Variants in SND1 observed in about 807,000 individuals in gnomAD.
The protein encoded by SND1 is staphylococcal nuclease and tudor domain containing 1, also known as staphylococcal nuclease domain-containing protein 1.
In SND1, 38 loss-of-function variants were observed where a neutral mutation model predicts 121.7. The observed-to-expected ratio is 0.31, with a 90% CI of 0.24 to 0.41. SND1 has a LOEUF of 0.41. Among genes scored for constraint, SND1 ranks in the 10% least tolerant of loss-of-function variants. The pLI is 1.00. For synonymous variants in SND1, 401 were observed against 447.4 expected, an observed-to-expected ratio of 0.90 and a Z score of 1.31; for missense variants, 868 against 1,184.6, an observed-to-expected ratio of 0.73 and a Z score of 3.92.
intron 1 of SND1, among the ~76,000 whole-genome samples, chr7:127,682,718 T>C (rs1795749172): frequency 6.6e-6 from 1 of 152,232 alleles, no homozygotes; most frequent in South Asian, 2.1e-4. Flanking sequence ...TATACTTACA[T>C]GTGATGTTTA....
intron 1 of SND1, among the ~76,000 whole-genome samples, chr7:127,661,900 G>A (rs1795318340): frequency 6.6e-6 from 1 of 152,128 alleles, no homozygotes; most frequent in Non-Finnish European, 1.5e-5. Flanking sequence ...TAGATCACTT[G>A]AGGTTAGGAG....
chr7:127,892,937 G>A (rs1800037374), intron 13 of SND1, among the ~76,000 whole-genome samples: 1 of 151,962 alleles, frequency 6.6e-6, no homozygotes, highest in South Asian at 2.1e-4. Flanking sequence ...GTTCCTGTTT[G>A]ATTCCCATAT....
At position 127,652,205 on chromosome 7, in the gene SND1, C is replaced by G. The variant is rs78110398; in HGVS notation, c.-169C>G. ...GGCGGAGATCGCGTCTCTTTCGCTC[C>G]GTGTCCCGCTGCTGCTCCTGTGAGC... On this transcript the variant is annotated 5_prime_UTR_variant, in exon 1 of 24. Transcript: ENST00000354725. The G allele has an allele frequency of 6.0e-6, 4 of 671,742 alleles. No individual in the cohort carries two copies. Among genetic ancestry groups the G allele is most frequent in the Non-Finnish European group, 1.1e-5 (4 of 367,668 alleles). 41.6% of individuals were successfully genotyped at this position (671,742 alleles called of 1,614,324 possible).
intron 11 of SND1, among the ~76,000 whole-genome samples, chr7:127,831,297 G>A (rs1288898547): frequency 6.6e-6 from 1 of 152,172 alleles, no homozygotes; most frequent in African/African-American, 2.4e-5. Flanking sequence ...TGGTCAGTAG[G>A]CAAAGCATTA....
chr7:127,721,932 T>C (rs1193984786), intron 10 of SND1, among the ~76,000 whole-genome samples: 1 of 152,182 alleles, frequency 6.6e-6, no homozygotes, highest in African/African-American at 2.4e-5. Flanking sequence ...TTTTGGCAGA[T>C]AGGTTGGTGT....
intron 16 of SND1, among the ~76,000 whole-genome samples, chr7:128,006,236 G>C (rs3808062): frequency 0.062 from 9,444 of 152,118 alleles, 401 homozygotes; most frequent in Middle Eastern, 0.19. Flanking sequence ...GGGTGCGTGC[G>C]TGCGTGCGTG....
chr7:127,787,175 A>G (rs1238642268), intron 10 of SND1, among the ~76,000 whole-genome samples: 3 of 152,002 alleles, frequency 2.0e-5, no homozygotes, highest in Non-Finnish European at 4.4e-5. Flanking sequence ...GCTCATTGGC[A>G]CACCTTTTCT....
intron 11 of SND1, among the ~76,000 whole-genome samples, chr7:127,840,825 C>T (rs558083596): frequency 8.5e-5 from 13 of 152,102 alleles, no homozygotes; most frequent in East Asian, 1.9e-4. Context: ...GGCTATTCTC[C>T]GGGCCTCATT....
intron 16 of SND1, among the ~76,000 whole-genome samples, chr7:128,022,197 T>G (rs1584742393): frequency 1.0e-5 from 1 of 98,092 alleles, no homozygotes; most frequent in Non-Finnish European, 1.8e-5. Context: ...AGAGCAAGAC[T>G]CTCTCTCAAA....
intron 1 of SND1, among the ~76,000 whole-genome samples, chr7:127,664,035 T>C (rs1795365691): frequency 6.6e-6 from 1 of 152,214 alleles, no homozygotes; most frequent in South Asian, 2.1e-4. Flanking sequence ...GTCATTTCTT[T>C]TTTGCTTTTT....
chr7:127,765,032 G>C (rs1584555988), intron 10 of SND1, among the ~76,000 whole-genome samples: 1 of 152,156 alleles, frequency 6.6e-6, no homozygotes, highest in South Asian at 2.1e-4. Flanking sequence ...CAACGAGTTG[G>C]TAACATTCTC....
At chr7:127,908,074 T>G (rs971373883) in intron 14 of SND1, among the ~76,000 whole-genome samples, 1 of 152,260 alleles carries the variant, frequency 6.6e-6, no homozygotes, top group Admixed American at 6.5e-5. Flanking sequence ...CAACTGAGTT[T>G]TGAGTTGTCC....
At chr7:127,691,693 A>G (rs1795920038) in intron 2 of SND1, among the ~76,000 whole-genome samples, 1 of 148,688 alleles carries the variant, frequency 6.7e-6, no homozygotes, top group South Asian at 2.2e-4. Flanking sequence ...GCTCACTGCA[A>G]CCTCCACCTC....
intron 10 of SND1, among the ~76,000 whole-genome samples, chr7:127,780,740 T>G (rs925964777): frequency 3.9e-5 from 6 of 152,240 alleles, no homozygotes; most frequent in South Asian, 2.1e-4. Context: ...AACAGGCAAA[T>G]TAGACAATGA....
chr7:127,731,580 A>T (rs368798704), intron 10 of SND1, among the ~76,000 whole-genome samples: 2 of 149,400 alleles, frequency 1.3e-5, no homozygotes, highest in African/African-American at 2.5e-5. Context: ...TCCTTCCCTC[A>T]CTCCTCCCAG....
Position 128,010,392 on chromosome 7 carries a change from C to T in SND1, c.1779+19336C>T, listed in dbSNP as rs144952424. Among the ~76,000 whole-genome samples, 1,120 of 152,304 alleles carry T rather than the reference C, an allele frequency of 7.4e-3. 15 individuals are homozygous for T. Among genetic ancestry groups the T allele is most frequent in the African/African-American group, 0.026 (1,070 of 41,556 alleles). On this transcript the variant is annotated intron_variant, in intron 16 of 23. Transcript: ENST00000354725. The stretch of plus-strand genomic sequence containing the variant: ...AAAATGAGTGTTTTGGACTAAATGA[C>T]CTGTGGGTACTAAGAGGATGAAGAA...
chr7:127,983,392 G>A (rs1472118503), intron 15 of SND1, among the ~76,000 whole-genome samples: 2 of 151,986 alleles, frequency 1.3e-5, no homozygotes, highest in Non-Finnish European at 2.9e-5. Flanking sequence ...AGAAAGGAGA[G>A]GTGTCCATAG....
intron 12 of SND1, among the ~76,000 whole-genome samples, chr7:127,886,101 T>C (rs933839526): frequency 2.0e-5 from 3 of 152,126 alleles, no homozygotes; most frequent in Non-Finnish European, 4.4e-5. Flanking sequence ...AGCACGCTTA[T>C]GTGGTGACTC....
intron 15 of SND1, among the ~76,000 whole-genome samples, chr7:127,975,180 A>T (rs962211091): frequency 6.6e-6 from 1 of 152,200 alleles, no homozygotes; most frequent in Non-Finnish European, 1.5e-5. Context: ...ACAGCTTTTC[A>T]GACTCCCCAA....
Sources: allele counts gnomAD v4.1 joint callset (sites outside exome capture counted in the v4.1 genomes callset), GRCh38; gene constraint gnomAD v4.1.1; transcripts MANE v1.5; gene names NCBI Gene and HGNC (gene_info 2026-07-23, HGNC 2026-07-21).